Variants in CADM2 observed in about 807,000 individuals in gnomAD.
CADM2 encodes immunoglobulin superfamily member 4D.
Under a neutral mutation model 49.8 loss-of-function variants are expected in CADM2, and 12 were observed. The ratio of observed to expected loss-of-function variants is 0.24; its 90% CI spans 0.15 to 0.39. The LOEUF is 0.39. Ranked by LOEUF, CADM2 falls within the 10% of genes least tolerant of loss-of-function variation. CADM2 has a pLI of 1.00. For missense variants in CADM2, 378 were observed against 492.3 expected (o/e 0.77, Z 2.20); for synonymous variants, 214 against 175.4 (o/e 1.22, Z -1.74).
intron 3 of CADM2, among the ~76,000 whole-genome samples, chr3:85,835,342 G>C (rs992364914): frequency 6.7e-6 from 1 of 148,546 alleles, no homozygotes; most frequent in Non-Finnish European, 1.5e-5. Flanking sequence ...TGACTTGTTG[G>C]CCTTATCCTG....
chr3:85,673,194 G>A (rs1403326999), intron 1 of CADM2, among the ~76,000 whole-genome samples: 2 of 152,104 alleles, frequency 1.3e-5, no homozygotes, highest in Non-Finnish European at 2.9e-5. Flanking sequence ...TGTGTATAGG[G>A]ACAGAAGGTT....
At chr3:85,264,657 A>G (rs2043083512) in intron 1 of CADM2, among the ~76,000 whole-genome samples, 1 of 152,072 alleles carries the variant, frequency 6.6e-6, no homozygotes, top group Non-Finnish European at 1.5e-5. Flanking sequence ...AGATCTGTGT[A>G]ACTTCAGAGC....
At chr3:85,715,748 A>G (rs1044676782) in intron 1 of CADM2, among the ~76,000 whole-genome samples, 3 of 152,178 alleles carry the variant, frequency 2.0e-5, no homozygotes, top group African/African-American at 7.2e-5. Context: ...GAGTGAGAAC[A>G]TGAGGCCTTT....
chr3:85,097,710 G>T (rs2037853241), intron 1 of CADM2, among the ~76,000 whole-genome samples: 1 of 152,100 alleles, frequency 6.6e-6, no homozygotes, highest in South Asian at 2.1e-4. Context: ...TCACAATAAT[G>T]GTCCATCACT....
At chr3:85,225,673 A>T (rs7648045) in intron 1 of CADM2, among the ~76,000 whole-genome samples, 10,361 of 152,140 alleles carry the variant, frequency 0.068, 1,160 homozygotes, top group African/African-American at 0.23. Flanking sequence ...ATCCTTGTCT[A>T]GTGCTGGTTT....
chr3:85,159,672 C>T (rs768885011), intron 1 of CADM2, among the ~76,000 whole-genome samples: 1 of 152,076 alleles, frequency 6.6e-6, no homozygotes, highest in South Asian at 2.1e-4. Flanking sequence ...GCAAGCTAAC[C>T]GAATGATTAA....
chr3:85,420,001 G>GA (rs925494003), intron 1 of CADM2, among the ~76,000 whole-genome samples: 1 of 152,138 alleles, frequency 6.6e-6, no homozygotes, highest in African/African-American at 2.4e-5. Flanking sequence ...AACACAGTTT[G>GA]AAAAACCACA....
At chr3:85,547,984 A>C (rs919006527) in intron 1 of CADM2, among the ~76,000 whole-genome samples, 1 of 151,974 alleles carries the variant, frequency 6.6e-6, no homozygotes, top group Non-Finnish European at 1.5e-5. Flanking sequence ...ACAATATGGA[A>C]GTTAACATAT....
intron 8 of CADM2, among the ~76,000 whole-genome samples, chr3:86,036,996 T>C (rs1735245811): frequency 1.3e-5 from 2 of 152,148 alleles, no homozygotes; most frequent in South Asian, 4.1e-4. Context: ...TCATATTCTA[T>C]TTCTATTAAT....
intron 1 of CADM2, among the ~76,000 whole-genome samples, chr3:85,023,940 C>T (rs1315624718): frequency 6.6e-6 from 1 of 151,922 alleles, no homozygotes; most frequent in Non-Finnish European, 1.5e-5. Context: ...CTTCTCAAGT[C>T]GTGTTATACA....
chr3:85,732,094 CAA>C (rs3044020), intron 2 of CADM2, among the ~76,000 whole-genome samples: 3 of 90,824 alleles, frequency 3.3e-5, no homozygotes, highest in Admixed American at 1.3e-4. Flanking sequence ...CTAAGAATAC[CAA>C]AAAAAAAAAA....
rs140706553 is a variant in CADM2 at position 85,810,383 on chromosome 3, G to A, written c.238+8187G>A. The stretch of plus-strand genomic sequence containing the variant: ...GAGTATAGCATATCATGCATACACA[G>A]AGATTTCTACATACCCAATTTTCAG... On this transcript the variant is annotated intron_variant, in intron 3 of 9. Coordinates refer to ENST00000383699, the MANE Select transcript of CADM2 (RefSeq NM_001167675.2). Among the ~76,000 whole-genome samples the A allele has an allele frequency of 2.8e-3, 422 of 152,202 alleles. 1 individual carries two copies. Among genetic ancestry groups the A allele is most frequent in the African/African-American group, 9.8e-3 (407 of 41,526 alleles).
intron 1 of CADM2, among the ~76,000 whole-genome samples, chr3:84,993,087 AT>A (rs1210487650): frequency 6.6e-6 from 1 of 152,142 alleles, no homozygotes; most frequent in African/African-American, 2.4e-5. Context: ...AGAAAAAAAA[AT>A]ATGTACTAGA....
intron 1 of CADM2, among the ~76,000 whole-genome samples, chr3:85,251,839 AAAAT>A (rs1345198709): frequency 1.3e-5 from 2 of 152,010 alleles, no homozygotes; most frequent in Non-Finnish European, 2.9e-5. Context: ...CTCAAAGTCT[AAAAT>A]AAATGGAGAA....
chr3:85,720,236 T>C (rs1435213898), intron 1 of CADM2, among the ~76,000 whole-genome samples: 1 of 152,202 alleles, frequency 6.6e-6, no homozygotes, highest in Non-Finnish European at 1.5e-5. Context: ...TTGTTGGACT[T>C]TGGAAGTTCA....
chr3:85,924,026 T>A (rs1404024258), intron 6 of CADM2, among the ~76,000 whole-genome samples: 1 of 152,138 alleles, frequency 6.6e-6, no homozygotes, highest in Non-Finnish European at 1.5e-5. Flanking sequence ...AATAACTAGG[T>A]CCCTGAAGTA....
chr3:86,028,321 AT>A (rs2107125594), intron 8 of CADM2, among the ~76,000 whole-genome samples: 1 of 152,200 alleles, frequency 6.6e-6, no homozygotes, highest in South Asian at 2.1e-4. Flanking sequence ...CTTAACAAAT[AT>A]TTGGGTTTCC....
At chr3:85,110,224 G>C (rs1047303153) in intron 1 of CADM2, among the ~76,000 whole-genome samples, 2 of 151,750 alleles carry the variant, frequency 1.3e-5, no homozygotes, top group East Asian at 3.9e-4. Flanking sequence ...TTAAGCAGGA[G>C]GTCTATTCGT....
intron 1 of CADM2, among the ~76,000 whole-genome samples, chr3:85,446,111 A>T (rs1334860565): frequency 6.6e-6 from 1 of 152,082 alleles, no homozygotes; most frequent in African/African-American, 2.4e-5. Flanking sequence ...TATTTTCTCT[A>T]GTAGGCTGTA....
Sources: gnomAD v4.1 joint callset for allele counts (sites outside exome capture counted in the v4.1 genomes callset) on GRCh38, gnomAD v4.1.1 for gene constraint, MANE v1.5 for transcripts, NCBI Gene and HGNC (gene_info 2026-07-23, HGNC 2026-07-21) for gene names.